The following FBXL7 variants were observed in gnomAD, a reference collection of about 807,000 sequenced individuals.
FBXL7 encodes F-box and leucine rich repeat protein 7, also known as F-box/LRR-repeat protein 7.
A neutral mutation model predicts 38.3 loss-of-function variants in FBXL7; 12 were observed. That is an observed-to-expected ratio of 0.31 (90% CI 0.20 to 0.51). The LOEUF is 0.51. Among genes scored for constraint, FBXL7 ranks in the 20% least tolerant of loss-of-function variants. FBXL7 has a pLI of 0.98. For missense variants in FBXL7, 567 were observed against 676.4 expected (o/e 0.84, Z 1.79); for synonymous variants, 297 against 300.9 (o/e 0.99, Z 0.13).
chr5:15,787,635 T>C (rs566647596), intron 2 of FBXL7, among the ~76,000 whole-genome samples: 115 of 152,348 alleles, frequency 7.5e-4, no homozygotes, highest in African/African-American at 2.5e-3. Flanking sequence ...CTTTAAATTA[T>C]GGAGAAACCT....
chr5:15,508,615 C>T (rs1736710771), intron 1 of FBXL7, among the ~76,000 whole-genome samples: 2 of 152,110 alleles, frequency 1.3e-5, no homozygotes, highest in Admixed American at 6.5e-5. Flanking sequence ...CCCTGAACCA[C>T]GTTCCCTAGG....
intron 2 of FBXL7, among the ~76,000 whole-genome samples, chr5:15,904,577 T>C (rs1741309859): frequency 6.6e-6 from 1 of 152,174 alleles, no homozygotes; most frequent in African/African-American, 2.4e-5. Flanking sequence ...AAATTATTTG[T>C]TAGGAATGCA....
At chr5:15,917,208 C>A (rs1741606535) in intron 2 of FBXL7, among the ~76,000 whole-genome samples, 1 of 152,258 alleles carries the variant, frequency 6.6e-6, no homozygotes, top group East Asian at 1.9e-4. Context: ...TCCATATATG[C>A]TCACCACTTC....
intron 2 of FBXL7, among the ~76,000 whole-genome samples, chr5:15,874,170 A>G (rs1462697085): frequency 6.6e-6 from 1 of 152,230 alleles, no homozygotes; most frequent in Non-Finnish European, 1.5e-5. Flanking sequence ...GACAAAAACC[A>G]CATGATTATC....
At chr5:15,868,552 A>G (rs1265750698) in intron 2 of FBXL7, among the ~76,000 whole-genome samples, 1 of 152,196 alleles carries the variant, frequency 6.6e-6, no homozygotes, top group Non-Finnish European at 1.5e-5. Context: ...GAGTGGCCAC[A>G]TTCTGTACAT....
chr5:15,683,727 G>T (rs1208838412), intron 2 of FBXL7, among the ~76,000 whole-genome samples: 4 of 152,132 alleles, frequency 2.6e-5, no homozygotes, highest in Admixed American at 1.3e-4. Context: ...CTTGGAAAAT[G>T]ACCCTTCTCT....
intron 2 of FBXL7, among the ~76,000 whole-genome samples, chr5:15,920,524 GT>G (rs148989430): frequency 8.0e-5 from 12 of 150,140 alleles, no homozygotes; most frequent in Non-Finnish European, 1.8e-4. Context: ...TTTTTTGTTT[GT>G]TTTTTTTTGT....
chr5:15,673,754 A>T (rs1742562313), intron 2 of FBXL7, among the ~76,000 whole-genome samples: 1 of 151,934 alleles, frequency 6.6e-6, no homozygotes, highest in Non-Finnish European at 1.5e-5. Context: ...TTATTTGTAC[A>T]TCTTGGCTCT....
chr5:15,791,544 T>G lies in FBXL7; in HGVS notation c.128-136346T>G, dbSNP rs759470386. Among the ~76,000 whole-genome samples, 64 of 152,092 alleles carry G rather than the reference T, an allele frequency of 4.2e-4. 1 individual carries two copies. Among genetic ancestry groups the G allele is most frequent in the Non-Finnish European group, 8.5e-4 (58 of 68,010 alleles). On this transcript the variant is annotated intron_variant, in intron 2 of 3. Coordinates refer to ENST00000504595, the MANE Select transcript of FBXL7 (RefSeq NM_012304.5). ...TTTAAACAGGGTAATTGGGAAGAGT[T>G]TACCAGGGACTTTTACAAAGTTGAA...
intron 2 of FBXL7, among the ~76,000 whole-genome samples, chr5:15,699,705 AAC>A (rs1187185813): frequency 6.6e-6 from 1 of 152,140 alleles, no homozygotes; most frequent in East Asian, 1.9e-4. Flanking sequence ...TCTCTTAGGA[AAC>A]ACACTACAAT....
At chr5:15,682,191 G>A in intron 2 of FBXL7, among the ~76,000 whole-genome samples, 1 of 152,204 alleles carries the variant, frequency 6.6e-6, no homozygotes, top group East Asian at 1.9e-4. Context: ...TCCATCATAG[G>A]TGAACTTGTG....
rs200867202 is a variant in FBXL7, at chr5:15,871,001, G to C, written c.128-56889G>C. On this transcript the variant is annotated intron_variant, in intron 2 of 3. Coordinates refer to ENST00000504595, the MANE Select transcript of FBXL7 (RefSeq NM_012304.5). ...CTCCTCAAGTGGGTCCCTGACCCACGTGCCTCCTGATGGGGAGACATCTCC... is the reference window on the plus strand; with the variant it reads ...CTCCTCAAGTGGGTCCCTGACCCACCTGCCTCCTGATGGGGAGACATCTCC... Among the ~76,000 whole-genome samples the C allele has an allele frequency of 7.9e-5, 12 of 152,308 alleles. No individual in the cohort carries two copies. The East Asian group carries it at 2.3e-3, about 30-fold the overall frequency.
chr5:15,897,359 T>C (rs1320352591), intron 2 of FBXL7, among the ~76,000 whole-genome samples: 1 of 152,234 alleles, frequency 6.6e-6, no homozygotes, highest in African/African-American at 2.4e-5. Context: ...TCCTCTTAAG[T>C]GTGAGGCACT....
Position 15,710,505 on chromosome 5 carries a change from AAC to A in FBXL7, c.127+94438_127+94439del, listed in dbSNP as rs369819220. Among the ~76,000 whole-genome samples the A allele has an allele frequency of 1.4e-3, 211 of 152,240 alleles. 1 individual carries two copies. The highest frequency in any genetic ancestry group is 4.8e-3 in the African/African-American group (201 of 41,546). On this transcript the variant is annotated intron_variant, in intron 2 of 3. Transcript: ENST00000504595. ...ACTCATACATGCACATGCACAAAAA[AAC>A]ACACTCTTGCTTACTTTAATTTTTT... is the stretch of plus-strand genomic sequence containing the variant.
At chr5:15,586,142 G>C (rs1469540022) in intron 1 of FBXL7, among the ~76,000 whole-genome samples, 1 of 152,104 alleles carries the variant, frequency 6.6e-6, no homozygotes, top group Non-Finnish European at 1.5e-5. Flanking sequence ...ACAGAATCTG[G>C]GGGGTATTAA....
At chr5:15,714,266 T>C (rs1393094550) in intron 2 of FBXL7, among the ~76,000 whole-genome samples, 1 of 152,174 alleles carries the variant, frequency 6.6e-6, no homozygotes, top group African/African-American at 2.4e-5. Flanking sequence ...TGTTTAAAAC[T>C]GTGTGGCACC....
chr5:15,595,239 G>GGTAC (rs1739594674), intron 1 of FBXL7, among the ~76,000 whole-genome samples: 1 of 152,184 alleles, frequency 6.6e-6, no homozygotes, highest in Non-Finnish European at 1.5e-5. Flanking sequence ...GACTGTAAAT[G>GGTAC]GTACAACATT....
intron 2 of FBXL7, among the ~76,000 whole-genome samples, chr5:15,620,610 C>T (rs1039390262): frequency 5.3e-5 from 8 of 152,094 alleles, no homozygotes; most frequent in South Asian, 2.1e-4. Context: ...CCAGCAGACC[C>T]GTTCCGAGGG....
At chr5:15,690,387 TA>T (rs769984207) in intron 2 of FBXL7, among the ~76,000 whole-genome samples, 9 of 151,524 alleles carry the variant, frequency 5.9e-5, no homozygotes, top group Admixed American at 2.0e-4. Flanking sequence ...CCTGACGAAA[TA>T]TTTTTTTTAA....
Sources: allele counts gnomAD v4.1 joint callset (sites outside exome capture counted in the v4.1 genomes callset), GRCh38; gene constraint gnomAD v4.1.1; transcripts MANE v1.5; gene names NCBI Gene and HGNC (gene_info 2026-07-23, HGNC 2026-07-21).